The following DDX10 variants were observed in gnomAD, a reference collection of about 807,000 sequenced individuals.
DDX10 encodes the protein probable ATP-dependent RNA helicase DDX10.
In DDX10, 74 loss-of-function variants were observed where a neutral mutation model predicts 104.3. The observed-to-expected ratio is 0.71, with a 90% CI of 0.59 to 0.86. DDX10 has a LOEUF of 0.86. Ranked by LOEUF, DDX10 falls within the 40% of genes least tolerant of loss-of-function variation. The pLI, the probability that DDX10 is intolerant of heterozygous loss-of-function variation, is 0.00. For missense variants in DDX10, 952 were observed against 1,040.0 expected, an observed-to-expected ratio of 0.92 and a Z score of 1.16; for synonymous variants, 351 against 353.4, an observed-to-expected ratio of 0.99 and a Z score of 0.08.
intron 13 of DDX10, among the ~76,000 whole-genome samples, chr11:108,773,911 T>C (rs78851722): frequency 6.6e-6 from 1 of 152,104 alleles, no homozygotes. Flanking sequence ...AAAGAAGATG[T>C]CTTGCTTGTA....
At chr11:108,932,829 C>A (rs1380006734) in intron 17 of DDX10, among the ~76,000 whole-genome samples, 2 of 151,910 alleles carry the variant, frequency 1.3e-5, no homozygotes, top group African/African-American at 4.9e-5. Flanking sequence ...ATATTTTTGG[C>A]AAGTGCTGTA....
At chr11:108,905,056 G>A (rs1047693518) in intron 16 of DDX10, among the ~76,000 whole-genome samples, 2 of 152,006 alleles carry the variant, frequency 1.3e-5, no homozygotes, top group African/African-American at 2.4e-5. Flanking sequence ...TGGGAGTTGC[G>A]GGCTGCCCGT....
At chr11:108,685,215 T>C (rs1439242564) in intron 6 of DDX10, among the ~76,000 whole-genome samples, 2 of 151,808 alleles carry the variant, frequency 1.3e-5, no homozygotes, top group Non-Finnish European at 2.9e-5. Flanking sequence ...CTGAGCCAGG[T>C]GTGGGATATA....
chr11:108,696,328 C>T (rs1233982560), intron 9 of DDX10, among the ~76,000 whole-genome samples: 1 of 152,148 alleles, frequency 6.6e-6, no homozygotes, highest in Non-Finnish European at 1.5e-5. Context: ...AGGCGCGTGC[C>T]ACCACACCTG....
intron 17 of DDX10, among the ~76,000 whole-genome samples, chr11:108,928,223 A>G (rs1443448462): frequency 6.6e-6 from 1 of 152,204 alleles, no homozygotes; most frequent in Non-Finnish European, 1.5e-5. Flanking sequence ...TAAAAATTCA[A>G]GTGGAATAAG....
intron 16 of DDX10, among the ~76,000 whole-genome samples, chr11:108,871,437 G>A (rs1302485613): frequency 6.6e-6 from 1 of 152,180 alleles, no homozygotes; most frequent in Admixed American, 6.5e-5. Flanking sequence ...ATAATGTAAT[G>A]CCTCATTGCA....
chr11:108,813,042 A>G (rs1862206260), intron 13 of DDX10, among the ~76,000 whole-genome samples: 2 of 151,344 alleles, frequency 1.3e-5, no homozygotes, highest in African/African-American at 4.8e-5. Flanking sequence ...TTGTTCCTAA[A>G]TTGGTACAGA....
chr11:108,700,243 C>T (rs2094265806), intron 9 of DDX10, among the ~76,000 whole-genome samples: 1 of 152,164 alleles, frequency 6.6e-6, no homozygotes, highest in African/African-American at 2.4e-5. Context: ...TTCCCAAACT[C>T]AATAAATATT....
chr11:108,727,312 T>C (rs1369472145), intron 13 of DDX10, among the ~76,000 whole-genome samples: 2 of 152,094 alleles, frequency 1.3e-5, no homozygotes, highest in Non-Finnish European at 2.9e-5. Flanking sequence ...ATTTAGAAAG[T>C]TATGATTTCT....
intron 13 of DDX10, among the ~76,000 whole-genome samples, chr11:108,810,780 G>A (rs994444690): frequency 1.3e-5 from 2 of 152,110 alleles, no homozygotes; most frequent in Middle Eastern, 3.2e-3. Context: ...AAAAAACCCA[G>A]AAAACTCGTT....
chr11:108,744,795 T>G (rs935376552), intron 13 of DDX10, among the ~76,000 whole-genome samples: 1 of 152,198 alleles, frequency 6.6e-6, no homozygotes, highest in Non-Finnish European at 1.5e-5. Flanking sequence ...TTACCTGCAG[T>G]AATAAAATAT....
chr11:108,790,400 C>T (rs551816358), intron 13 of DDX10, among the ~76,000 whole-genome samples: 2 of 152,206 alleles, frequency 1.3e-5, no homozygotes, highest in Non-Finnish European at 2.9e-5. Flanking sequence ...ATTTTATGTG[C>T]AGATAAATAA....
chr11:108,671,949 T>C (rs2094217593), intron 1 of DDX10, among the ~76,000 whole-genome samples: 1 of 149,956 alleles, frequency 6.7e-6, no homozygotes, highest in African/African-American at 2.5e-5. Context: ...TAGCCCCAGC[T>C]ACTTGGGAGG....
intron 13 of DDX10, among the ~76,000 whole-genome samples, chr11:108,737,293 G>A (rs563969239): frequency 5.7e-4 from 87 of 152,286 alleles, no homozygotes; most frequent in African/African-American, 1.8e-3. Flanking sequence ...TCTCTATTAA[G>A]CAGGTAGCAG....
rs186794593 is a variant in DDX10 at position 108,795,340 on chromosome 11, G to T, written c.1966-43106G>T. Among the ~76,000 whole-genome samples, 345 of 148,050 alleles carry T rather than the reference G, an allele frequency of 2.3e-3. 1 individual carries two copies. The highest frequency in any genetic ancestry group is 4.1e-3 in the Non-Finnish European group (276 of 67,316). On this transcript the variant is annotated intron_variant, in intron 13 of 17. Coordinates refer to ENST00000322536, the MANE Select transcript of DDX10 (RefSeq NM_004398.4). Reference sequence around the variant, plus strand: ...ATTTTATTATACTTTAAGTTCTAGGGTACATGTGCACAACATGCACATATG... The same window carrying T: ...ATTTTATTATACTTTAAGTTCTAGGTTACATGTGCACAACATGCACATATG...
intron 13 of DDX10, among the ~76,000 whole-genome samples, chr11:108,726,110 C>G (rs2094305142): frequency 6.6e-6 from 1 of 152,008 alleles, no homozygotes; most frequent in Non-Finnish European, 1.5e-5. Context: ...TGTCCTTTCA[C>G]CAATAACACC....
intron 16 of DDX10, among the ~76,000 whole-genome samples, chr11:108,870,491 C>T (rs1863066191): frequency 6.6e-6 from 1 of 152,198 alleles, no homozygotes; most frequent in African/African-American, 2.4e-5. Flanking sequence ...CTGTCACTAA[C>T]TCTCTTAACT....
chr11:108,814,248 A>G (rs1297130797), intron 13 of DDX10, among the ~76,000 whole-genome samples: 1 of 152,142 alleles, frequency 6.6e-6, no homozygotes, highest in Non-Finnish European at 1.5e-5. Flanking sequence ...GGCCTTGTCT[A>G]GTTTTAATTT....
chr11:108,734,504 A>G (rs1180535601), intron 13 of DDX10, among the ~76,000 whole-genome samples: 4 of 152,134 alleles, frequency 2.6e-5, no homozygotes, highest in Non-Finnish European at 5.9e-5. Flanking sequence ...TGGTATGCAG[A>G]TGACTTCCTG....
Sources: allele counts gnomAD v4.1 joint callset (sites outside exome capture counted in the v4.1 genomes callset), GRCh38; gene constraint gnomAD v4.1.1; transcripts MANE v1.5; gene names NCBI Gene and HGNC (gene_info 2026-07-23, HGNC 2026-07-21).